The following NACC2 variants were observed in gnomAD, a reference collection of about 807,000 sequenced individuals.
The protein encoded by NACC2 is nucleus accumbens-associated protein 2.
NACC2 carries 8 observed loss-of-function variants against 25.1 expected under a neutral mutation model. The ratio of observed to expected loss-of-function variants is 0.32; its 90% CI spans 0.19 to 0.57. NACC2 has a LOEUF of 0.57. Among genes scored for constraint, NACC2 ranks in the 20% least tolerant of loss-of-function variants. The probability of loss-of-function intolerance (pLI) is 0.89; values close to 1 mark genes in which losing one functional copy is unlikely to be tolerated. For missense variants in NACC2, 644 were observed against 650.2 expected, an observed-to-expected ratio of 0.99 and a Z score of 0.10; for synonymous variants, 435 against 294.7, an observed-to-expected ratio of 1.48 and a Z score of -4.88.
rs1469209500 is a variant in NACC2 at position 136,019,467 on chromosome 9, G to T, written c.887-3038C>A. On this transcript the variant is annotated intron_variant, in intron 2 of 5. Transcript: ENST00000277554. The surrounding 1 kb of genome is among the most constrained non-coding windows in gnomAD (Gnocchi z 5.2). ...CACCCCAGGACTGGCCGCTGTAGCA[G>T]AACTGCCACCTTCACCCTCGACAGC... The T allele has an allele frequency of 6.6e-6, 1 of 152,284 alleles. No individual in the cohort carries two copies. Among genetic ancestry groups the T allele is most frequent in the Non-Finnish European group, 1.5e-5 (1 of 68,090 alleles). The allele number at this position is 152,284 out of a possible 1,614,324, so 9.4% of individuals were successfully genotyped here. A position where few individuals can be genotyped will look rare whatever the true frequency, so the allele number is the denominator to read the frequency against.
At chr9:136,075,603 C>T (rs1830254441) in intron 1 of NACC2, among the ~76,000 whole-genome samples, 2 of 152,222 alleles carry the variant, frequency 1.3e-5, no homozygotes, top group Non-Finnish European at 2.9e-5. Context: ...ATTCAGGGTT[C>T]GGGGTCGCAG....
intron 2 of NACC2, among the ~76,000 whole-genome samples, chr9:136,024,223 G>A (rs534314934): frequency 0.015 from 573 of 37,154 alleles, 13 homozygotes; most frequent in African/African-American, 0.048. Context: ...TGTGTGTGAG[G>A]ACAGAGGGTG....
intron 2 of NACC2, among the ~76,000 whole-genome samples, chr9:136,029,208 C>T (rs1451417440): frequency 4.6e-5 from 7 of 152,154 alleles, no homozygotes; most frequent in African/African-American, 7.2e-5. Flanking sequence ...CACATCCTGC[C>T]CTCTGAAGGC....
Position 136,084,727 on chromosome 9 carries a change from G to A in NACC2, c.-60+10462C>T, listed in dbSNP as rs1375920790. On this transcript the variant is annotated intron_variant, in intron 1 of 5. Coordinates refer to ENST00000277554, the MANE Select transcript of NACC2 (RefSeq NM_144653.5). This position sits in a 1 kb window ranked among gnomAD's most constrained non-coding sequence, Gnocchi z 5.1. Reference sequence around the variant, plus strand: ...ACAGTCAAAGGAAATGGCGGCGGGCGCACACACACACATACATCACGCAGC... The same window carrying A: ...ACAGTCAAAGGAAATGGCGGCGGGCACACACACACACATACATCACGCAGC... Among the ~76,000 whole-genome samples the A allele has an allele frequency of 1.3e-5, 2 of 152,272 alleles. No individual in the cohort carries two copies. Among genetic ancestry groups the A allele is most frequent in the South Asian group, 2.1e-4 (1 of 4,826 alleles).
chr9:136,028,598 C>A (rs918794897), intron 2 of NACC2, among the ~76,000 whole-genome samples: 2 of 152,244 alleles, frequency 1.3e-5, no homozygotes, highest in South Asian at 4.1e-4. Flanking sequence ...CAGGGCTGCA[C>A]GCTCCATGGA....
intron 2 of NACC2, among the ~76,000 whole-genome samples, chr9:136,045,885 GC>G (rs1840715303): frequency 6.6e-6 from 1 of 152,132 alleles, no homozygotes; most frequent in South Asian, 2.1e-4. Context: ...CAGCTGGGGA[GC>G]CCCCACCCCA....
intron 1 of NACC2, among the ~76,000 whole-genome samples, chr9:136,064,197 G>A (rs1317559247): frequency 6.6e-6 from 1 of 152,074 alleles, no homozygotes; most frequent in East Asian, 1.9e-4. Flanking sequence ...GCTGAGGGGG[G>A]AGAATCACTT....
chr9:136,046,463 G>T (rs1840726495), intron 2 of NACC2, among the ~76,000 whole-genome samples: 1 of 152,232 alleles, frequency 6.6e-6, no homozygotes, highest in East Asian at 1.9e-4. Context: ...CCTGCCGCAG[G>T]GGTGATGGCT....
chr9:136,042,231 A>C (rs1250448145), intron 2 of NACC2, among the ~76,000 whole-genome samples: 1 of 152,140 alleles, frequency 6.6e-6, no homozygotes, highest in Non-Finnish European at 1.5e-5. Context: ...CAGGTGATCC[A>C]CCCATCTCGG....
chr9:136,078,054 G>A (rs1830281716), intron 1 of NACC2, among the ~76,000 whole-genome samples: 1 of 152,210 alleles, frequency 6.6e-6, no homozygotes, highest in South Asian at 2.1e-4. Context: ...TTATAGGCAT[G>A]AGCCACCGCG....
chr9:136,049,654 C>T lies in NACC2; in HGVS notation c.868G>A (p.Ala290Thr), dbSNP rs2131161880. 1.3e-6 allele frequency: 1 copy of T among 777,728 alleles called. No homozygotes were observed. Among genetic ancestry groups the T allele is most frequent in the East Asian group, 2.4e-5 (1 of 40,872 alleles). 48.2% of individuals were successfully genotyped at this position (777,728 alleles called of 1,614,324 possible). The change falls in exon 2 of 6, where the codon GCC becomes ACC. Residue 290 changes from alanine to threonine, a missense_variant. Ala to Thr is a moderately conservative substitution (Grantham distance 58, BLOSUM62 0). Coordinates refer to ENST00000277554, the MANE Select transcript of NACC2 (RefSeq NM_144653.5). ...GCGTTACCTGCATAGCTGCCGGAGG[C>T]CTTGATGTACATCTGGCCGTACTGC... ...EEQYGQMYIK[A>T]SGSYAVQEKP...
rs905806989 is a variant in NACC2, at chr9:136,086,216, A to G, written c.-60+8973T>C. Among the ~76,000 whole-genome samples the G allele has an allele frequency of 6.6e-6, 1 of 152,238 alleles. No homozygotes were observed. The highest frequency in any genetic ancestry group is 1.5e-5 in the Non-Finnish European group (1 of 68,040). ...ACCCTCCATGGGCCTTCAGAGCAGC[A>G]AAGCGCAGTGCCTGCCTTCCTGTGA... On this transcript the variant is annotated intron_variant, in intron 1 of 5. Coordinates refer to ENST00000277554, the MANE Select transcript of NACC2 (RefSeq NM_144653.5). This position sits in a 1 kb window ranked among gnomAD's most constrained non-coding sequence, Gnocchi z 5.6.
rs1474079566 is a variant in NACC2, at chr9:136,044,292, GATTTCTTGAGC to G, written c.886+5333_886+5343del. The stretch of plus-strand genomic sequence containing the variant: ...GCTTTTTGGGAGGCTGAGGCGGGAG[GATTTCTTGAGC>G]CCAGGAATTCGAGGCCACCTGGACA... On this transcript the variant is annotated intron_variant, in intron 2 of 5. Transcript: ENST00000277554. 3.9e-4 allele frequency among the ~76,000 whole-genome samples: 59 copies of G among 152,298 alleles called. 2 individuals are homozygous for G. The East Asian group carries it at 0.011, about 27-fold the overall frequency.
intron 2 of NACC2, among the ~76,000 whole-genome samples, chr9:136,023,483 G>A (rs1840329303): frequency 6.6e-6 from 1 of 152,070 alleles, no homozygotes; most frequent in Non-Finnish European, 1.5e-5. Flanking sequence ...CCTCCTTAGA[G>A]CTGAGGCTTC....
chr9:136,036,261 T>A (rs1204445611), intron 2 of NACC2, among the ~76,000 whole-genome samples: 1 of 152,212 alleles, frequency 6.6e-6, no homozygotes, highest in Admixed American at 6.5e-5. Flanking sequence ...TGACTCATTA[T>A]TGAAATTCTA....
At chr9:136,034,690 A>C (rs1306013869) in intron 2 of NACC2, among the ~76,000 whole-genome samples, 1 of 152,218 alleles carries the variant, frequency 6.6e-6, no homozygotes, top group Non-Finnish European at 1.5e-5. Context: ...GATAGTAAAT[A>C]AATAGTAACA....
Position 136,090,321 on chromosome 9 carries a change from C to T in NACC2, c.-60+4868G>A, listed in dbSNP as rs373960778. ...TGCTCCGATCCAAAGGCAGGGCCAA[C>T]GCTGACTCCCTCCAAGACCGCCGCA... On this transcript the variant is annotated intron_variant, in intron 1 of 5. Transcript: ENST00000277554. 2.6e-5 allele frequency among the ~76,000 whole-genome samples: 4 copies of T among 152,310 alleles called. No individual in the cohort carries two copies. In the East Asian group the frequency reaches 7.7e-4, roughly 29 times the overall value.
At chr9:136,017,724 G>A (rs1588557635) in intron 2 of NACC2, among the ~76,000 whole-genome samples, 1 of 152,246 alleles carries the variant, frequency 6.6e-6, no homozygotes, top group Admixed American at 6.5e-5. Context: ...TGAGGGCGGA[G>A]CACCGCCTCC....
At chr9:136,016,508 G>A in intron 2 of NACC2, 79 bp from the exon 3 acceptor site, 1 of 1,545,796 alleles carries the variant, frequency 6.5e-7, no homozygotes, top group Non-Finnish European at 8.8e-7. Context: ...TGCCCTCCAT[G>A]CTCCCTGGGG....
Sources: gnomAD v4.1 joint callset for allele counts (sites outside exome capture counted in the v4.1 genomes callset) on GRCh38, gnomAD v4.1.1 for gene constraint, Gnocchi (gnomAD v3.1) non-coding constraint, MANE v1.5 for transcripts, NCBI Gene and HGNC (gene_info 2026-07-23, HGNC 2026-07-21) for gene names.